The following SCPPPQ1 variants were observed in gnomAD, a reference collection of about 807,000 sequenced individuals.
SCPPPQ1 encodes secretory calcium-binding phosphoprotein proline- and glutamine-rich 1.
chr4:87,464,020 C>G, the SCPPPQ1 span, among the ~76,000 whole-genome samples: 1 of 152,130 alleles, frequency 6.6e-6, no homozygotes, highest in Non-Finnish European at 1.5e-5. Flanking sequence ...AACACTGTCC[C>G]AACTGTGACA....
At chr4:87,463,556 A>G in the SCPPPQ1 span, among the ~76,000 whole-genome samples, 1 of 152,108 alleles carries the variant, frequency 6.6e-6, no homozygotes, top group Non-Finnish European at 1.5e-5. Flanking sequence ...AATCTATTTT[A>G]TTGAAAAATT....
At chr4:87,463,981 T>C in the SCPPPQ1 span, among the ~76,000 whole-genome samples, 1 of 152,180 alleles carries the variant, frequency 6.6e-6, no homozygotes, top group African/African-American at 2.4e-5. Flanking sequence ...GCTGTCTGTC[T>C]TAGAGTGTAT....
At chr4:87,465,593 A>AAAAAAT in the SCPPPQ1 span, among the ~76,000 whole-genome samples, 1 of 148,376 alleles carries the variant, frequency 6.7e-6, no homozygotes, top group African/African-American at 2.5e-5. Flanking sequence ...AAAAAAGTAA[A>AAAAAAT]TTGTGAATGA....
chr4:87,462,494 TTTCTTTC>T, the SCPPPQ1 span, among the ~76,000 whole-genome samples: 1 of 152,006 alleles, frequency 6.6e-6, no homozygotes, highest in African/African-American at 2.4e-5. Context: ...TCTTTCTTTC[TTTCTTTC>T]TTTTTTTTGG....
chr4:87,465,453 A>C, the SCPPPQ1 span, among the ~76,000 whole-genome samples: 1 of 151,622 alleles, frequency 6.6e-6, no homozygotes, highest in East Asian at 1.9e-4. Context: ...AAATCTAAAG[A>C]ATTTTCAAGT....
At chr4:87,465,208 A>G in the SCPPPQ1 span, among the ~76,000 whole-genome samples, 2 of 152,192 alleles carry the variant, frequency 1.3e-5, no homozygotes, top group African/African-American at 4.8e-5. Flanking sequence ...TAAAGGGCAG[A>G]CATGGAGCTT....
the SCPPPQ1 span, among the ~76,000 whole-genome samples, chr4:87,466,974 T>C: frequency 1.3e-4 from 20 of 152,368 alleles, no homozygotes; most frequent in Non-Finnish European, 2.1e-4. Flanking sequence ...AGCATCATTA[T>C]TTTAGACTAA....
the SCPPPQ1 span, among the ~76,000 whole-genome samples, chr4:87,470,432 A>G: frequency 6.6e-6 from 1 of 152,260 alleles, no homozygotes; most frequent in African/African-American, 2.4e-5. Flanking sequence ...GGTTGCTGTT[A>G]TTGCCAGTTA....
chr4:87,470,246 G>GT, the SCPPPQ1 span, among the ~76,000 whole-genome samples: 1 of 152,168 alleles, frequency 6.6e-6, no homozygotes, highest in African/African-American at 2.4e-5. Flanking sequence ...GATTACAGGT[G>GT]TGAGCCACTG....
At chr4:87,469,310 A>G in the SCPPPQ1 span, among the ~76,000 whole-genome samples, 38 of 152,194 alleles carry the variant, frequency 2.5e-4, no homozygotes, top group African/African-American at 8.9e-4. Flanking sequence ...CATTAAAAAA[A>G]TCATCTCCGT....
the SCPPPQ1 span, among the ~76,000 whole-genome samples, chr4:87,467,666 A>G: frequency 6.6e-6 from 1 of 152,218 alleles, no homozygotes; most frequent in Non-Finnish European, 1.5e-5. Context: ...ACTATAAGCT[A>G]TATGGGAGAG....
the SCPPPQ1 span, among the ~76,000 whole-genome samples, chr4:87,468,238 A>C: frequency 2.0e-5 from 3 of 152,248 alleles, no homozygotes; most frequent in African/African-American, 7.2e-5. Flanking sequence ...TTGCTTTTAA[A>C]TTTATATCCA....
the SCPPPQ1 span, among the ~76,000 whole-genome samples, chr4:87,469,039 G>A: frequency 6.6e-6 from 1 of 152,274 alleles, no homozygotes; most frequent in African/African-American, 2.4e-5. Flanking sequence ...TCATAATTTA[G>A]TAATCAATGT....
chr4:87,465,320 C>G, the SCPPPQ1 span, among the ~76,000 whole-genome samples: 1 of 152,036 alleles, frequency 6.6e-6, no homozygotes, highest in East Asian at 1.9e-4. Context: ...TTAGGTAATT[C>G]AGTTTTCAAG....
chr4:87,468,582 T>C, the SCPPPQ1 span, among the ~76,000 whole-genome samples: 1 of 152,210 alleles, frequency 6.6e-6, no homozygotes, highest in African/African-American at 2.4e-5. Context: ...ATAGGTGAAG[T>C]TAATGATGTT....
the SCPPPQ1 span, among the ~76,000 whole-genome samples, chr4:87,467,479 A>G: frequency 6.6e-6 from 1 of 152,264 alleles, no homozygotes; most frequent in Non-Finnish European, 1.5e-5. Flanking sequence ...CAACAAGGTG[A>G]ATTTGAAAAA....
At chr4:87,461,195 G>C in the SCPPPQ1 span, among the ~76,000 whole-genome samples, 2 of 152,074 alleles carry the variant, frequency 1.3e-5, no homozygotes, top group African/African-American at 4.8e-5. Flanking sequence ...TCCACATCCT[G>C]TTAGGTAGTA....
chr4:87,465,744 T>TA, the SCPPPQ1 span, among the ~76,000 whole-genome samples: 2 of 152,120 alleles, frequency 1.3e-5, no homozygotes, highest in Admixed American at 1.3e-4. Context: ...AAATGACACT[T>TA]AGAGAGCTCA....
chr4:87,465,559 CAAAAAAAAAAAAA>C, the SCPPPQ1 span, among the ~76,000 whole-genome samples: 1,061 of 98,326 alleles, frequency 0.011, 27 homozygotes, highest in African/African-American at 0.012. Flanking sequence ...TAGAAATCTA[CAAAAAAAAAAAAA>C]AAAAAAAAAA....
Sources: allele counts gnomAD v4.1 joint callset (sites outside exome capture counted in the v4.1 genomes callset), GRCh38; gene constraint gnomAD v4.1.1; transcripts MANE v1.5; gene names NCBI Gene and HGNC (gene_info 2026-07-23, HGNC 2026-07-21).